Variants in KIF13B observed in about 807,000 individuals in gnomAD.
KIF13B encodes kinesin family member 13B, also known as kinesin-like protein KIF13B.
Under a neutral mutation model 222.0 loss-of-function variants are expected in KIF13B, and 127 were observed. That is an observed-to-expected ratio of 0.57 (90% CI 0.50 to 0.66). KIF13B has a LOEUF of 0.66. Ranked by LOEUF, KIF13B falls within the 30% of genes least tolerant of loss-of-function variation. The pLI is 0.00. For synonymous variants in KIF13B, 976 were observed against 919.0 expected (o/e 1.06, Z -1.12); for missense variants, 2,173 against 2,379.0 (o/e 0.91, Z 1.80).
chr8:29,106,043 A>C (rs1327641587), intron 35 of KIF13B, among the ~76,000 whole-genome samples: 1 of 152,198 alleles, frequency 6.6e-6, no homozygotes, highest in East Asian at 1.9e-4. Context: ...CCACAAAAGC[A>C]CAGGAAGTCA....
intron 9 of KIF13B, among the ~76,000 whole-genome samples, chr8:29,177,083 A>G (rs151083925): frequency 3.9e-5 from 6 of 152,282 alleles, no homozygotes; most frequent in African/African-American, 1.4e-4. Context: ...CTATGCCCCC[A>G]CAGGGAACAG....
chr8:29,074,535 C>T, intron 38 of KIF13B, among the ~76,000 whole-genome samples: 1 of 152,266 alleles, frequency 6.6e-6, no homozygotes, highest in East Asian at 1.9e-4. Flanking sequence ...GCTACAGAAG[C>T]TGCTGCCTTC....
intron 27 of KIF13B, 129 bp downstream of exon 27, chr8:29,123,895 C>G: frequency 1.6e-6 from 1 of 642,836 alleles, no homozygotes; most frequent in Non-Finnish European, 2.8e-6. Context: ...AAGAGTAACA[C>G]TCATCTGCTC....
At chr8:29,167,259 A>C in intron 11 of KIF13B, 114 bp downstream of exon 11, 1 of 777,076 alleles carries the variant, frequency 1.3e-6, no homozygotes. Flanking sequence ...GCTGTAAGAA[A>C]TTCGCAAATT....
In KIF13B at chr8:29,141,332, T is replaced by TA. The variant is rs76105853; in HGVS notation, c.2335-716dup. On this transcript the variant is annotated intron_variant, in intron 19 of 39. Coordinates refer to ENST00000524189, the MANE Select transcript of KIF13B (RefSeq NM_015254.4). ...CTGGATGACAGAGCAAGACTCCATC[T>TA]AAAAAAAAAAAAAGGTGAGCCCCTA... Among the ~76,000 whole-genome samples, 455 of 140,820 alleles carry TA rather than the reference T, an allele frequency of 3.2e-3. 8 individuals are homozygous for TA. In the East Asian group the frequency reaches 0.04, roughly 12 times the overall value. The allele number at this position is 140,820 out of a possible 152,430, so 92.4% of individuals were successfully genotyped here.
At chr8:29,126,581 TCTGA>T (rs1467372464) in intron 25 of KIF13B, 70 bp from the exon 26 acceptor site, 7 of 885,658 alleles carry the variant, frequency 7.9e-6, no homozygotes, top group East Asian at 2.6e-5. Flanking sequence ...CGCTAAACAA[TCTGA>T]CTCTTTACCC....
intron 36 of KIF13B, 25 bp from the exon 37 acceptor site, chr8:29,092,903 A>G (rs377625473): frequency 1.1e-4 from 167 of 1,577,836 alleles, no homozygotes; most frequent in Non-Finnish European, 1.4e-4. Flanking sequence ...GGGGAAAAAG[A>G]TAAAACAAAT....
intron 1 of KIF13B, among the ~76,000 whole-genome samples, chr8:29,257,137 T>C (rs1309953830): frequency 2.6e-5 from 4 of 152,212 alleles, no homozygotes; most frequent in Non-Finnish European, 5.9e-5. Flanking sequence ...AAATAGAAAG[T>C]TGTCAAAAAG....
rs1430330848 is a variant in KIF13B at position 29,181,930 on chromosome 8, T to C, written c.574A>G (p.Thr192Ala). 1.9e-6 allele frequency: 3 copies of C among 1,613,092 alleles called. No homozygotes were observed. Among genetic ancestry groups the C allele is most frequent in the Non-Finnish European group, 2.5e-6 (3 of 1,179,300 alleles). Residue 192 changes from threonine to alanine, a missense_variant, in exon 7 of 40, where the codon ACA becomes GCA. By Grantham distance (58) the Thr-to-Ala change is moderately conservative. This residue lies in a region of KIF13B where 1,480 missense variants were observed against 1,722.8 expected (regional missense o/e 0.86). Coordinates refer to ENST00000524189, the MANE Select transcript of KIF13B (RefSeq NM_015254.4). ...YVDGLSKLAVTSYKDIESLMS... is the reference protein window; with the variant it reads ...YVDGLSKLAVASYKDIESLMS... ...CAGGATGTTGTTACCTTGTAGCTTG[T>C]GACAGCCAGTTTAGAAAGTCCGTCG...
At chr8:29,169,415 A>C (rs1812142658) in intron 10 of KIF13B, among the ~76,000 whole-genome samples, 1 of 152,210 alleles carries the variant, frequency 6.6e-6, no homozygotes, top group African/African-American at 2.4e-5. Context: ...ATTTGGTAAC[A>C]CAGAGAAAGT....
At chr8:29,122,438 G>A (rs1255970103) in intron 29 of KIF13B, among the ~76,000 whole-genome samples, 153 bp downstream of exon 29, 1 of 152,146 alleles carries the variant, frequency 6.6e-6, no homozygotes, top group African/African-American at 2.4e-5. Flanking sequence ...ACACCAATCA[G>A]TCCGTCTGCA....
chr8:29,120,258 C>T (rs1809803263), intron 29 of KIF13B, among the ~76,000 whole-genome samples: 1 of 122,064 alleles, frequency 8.2e-6, no homozygotes, highest in Non-Finnish European at 1.7e-5. Flanking sequence ...ATACATGTGC[C>T]ATGCTGGTGC....
chr8:29,172,624 TAAG>T (rs1375314984), intron 10 of KIF13B, among the ~76,000 whole-genome samples: 1 of 152,226 alleles, frequency 6.6e-6, no homozygotes, highest in Non-Finnish European at 1.5e-5. Flanking sequence ...TAACCTTTGA[TAAG>T]AAGAGCACAG....
rs372174415 is a variant in KIF13B at position 29,167,491 on chromosome 8, G to C, written c.1040C>G (p.Ala347Gly). 1.2e-6 allele frequency: 2 copies of C among 1,613,944 alleles called. No individual in the cohort carries two copies. Among genetic ancestry groups the C allele is most frequent in the East Asian group, 2.2e-5 (1 of 44,892 alleles). The change falls in exon 11 of 40, where the codon GCA (alanine) becomes GGA (glycine). Residue 347 changes from alanine to glycine, a missense_variant. Ala to Gly is a moderately conservative substitution (Grantham distance 60). This residue lies in a region of KIF13B where 1,480 missense variants were observed against 1,722.8 expected (regional missense o/e 0.86). Transcript: ENST00000524189. Reference sequence around the variant, plus strand: ...GTTTACAATGTGCTTGGCTCGATCTGCATACCGCAGAGTTGAGAGGGTTTC... The same window carrying C: ...GTTTACAATGTGCTTGGCTCGATCTCCATACCGCAGAGTTGAGAGGGTTTC... ...YDETLSTLRY[A>G]DRAKHIVNHA...
chr8:29,109,907 G>A lies in KIF13B; in HGVS notation c.4083+11C>T, dbSNP rs777535814. On this transcript the variant is annotated intron_variant, in intron 33 of 39. Transcript: ENST00000524189. ...CCTCTGCTGCCCGCCCTATCCATGCGGTTGGCTAACCTGGCGCAGACGATC... is the reference window on the plus strand; with the variant it reads ...CCTCTGCTGCCCGCCCTATCCATGCAGTTGGCTAACCTGGCGCAGACGATC... 34 of 1,612,504 alleles carry A rather than the reference G, an allele frequency of 2.1e-5. No homozygotes were observed. The highest frequency in any genetic ancestry group is 1.8e-4 in the South Asian group (16 of 90,722).
At position 29,242,190 on chromosome 8, in the gene KIF13B, C is replaced by T. The variant is rs62505665; in HGVS notation, c.149+3156G>A. ...AGAAGATAAAACTTAGCTTAAGAAACTATTTGTATCGTGCCACCACACTCC... is the reference window on the plus strand; with the variant it reads ...AGAAGATAAAACTTAGCTTAAGAAATTATTTGTATCGTGCCACCACACTCC... On this transcript the variant is annotated intron_variant, in intron 2 of 39. Transcript: ENST00000524189. Among the ~76,000 whole-genome samples, 743 of 152,096 alleles carry T rather than the reference C, an allele frequency of 4.9e-3. 4 individuals are homozygous for T. Among genetic ancestry groups the T allele is most frequent in the Non-Finnish European group, 8.1e-3 (548 of 67,970 alleles).
chr8:29,085,377 ACCT>A (rs759521830), intron 37 of KIF13B, among the ~76,000 whole-genome samples: 2 of 152,230 alleles, frequency 1.3e-5, no homozygotes, highest in Non-Finnish European at 2.9e-5. Context: ...CAACTTGTGT[ACCT>A]CTTTTCCACT....
chr8:29,201,876 C>T (rs1171072158), intron 2 of KIF13B, among the ~76,000 whole-genome samples: 7 of 152,222 alleles, frequency 4.6e-5, no homozygotes, highest in Admixed American at 3.3e-4. Flanking sequence ...CCCCACTGTA[C>T]TTTCCATACA....
At position 29,072,250 on chromosome 8, in the gene KIF13B, C is replaced by G. The variant is rs750932932; in HGVS notation, c.4588G>C (p.Asp1530His). 6.8e-7 allele frequency: 1 copy of G among 1,469,772 alleles called. No homozygotes were observed. The highest frequency in any genetic ancestry group is 9.0e-7 in the Non-Finnish European group (1 of 1,111,496). 91.0% of individuals were successfully genotyped at this position (1,469,772 alleles called of 1,614,324 possible). A position where few individuals can be genotyped will look rare whatever the true frequency, so the allele number is the denominator to read the frequency against. ...TMGAPALKIC[D>H]KPAKVPSPPP... ...GGGGAAGGCACTTTGGCAGGTTTGT[C>G]GCAGATCTTCAAGGCCGGGGCCCCC... is the stretch of plus-strand genomic sequence containing the variant. Residue 1530 changes from aspartate to histidine, a missense_variant, in exon 39 of 40, where the codon GAC (aspartate) becomes CAC (histidine). Asp to His is a moderately conservative substitution (Grantham distance 81). Coordinates refer to ENST00000524189, the MANE Select transcript of KIF13B (RefSeq NM_015254.4).
Sources: gnomAD v4.1 joint callset for allele counts (sites outside exome capture counted in the v4.1 genomes callset) on GRCh38, gnomAD v4.1.1 for gene constraint, gnomAD v4.1.1 regional missense constraint, MANE v1.5 for transcripts, NCBI Gene and HGNC (gene_info 2026-07-23, HGNC 2026-07-21) for gene names.